Variants in SIRT6 observed in about 807,000 individuals in gnomAD.
SIRT6 encodes sirtuin 6.
SIRT6 carries 21 observed loss-of-function variants against 33.6 expected under a neutral mutation model. The ratio of observed to expected loss-of-function variants is 0.62; its 90% confidence interval spans 0.44 to 0.90. The LOEUF (loss-of-function observed/expected upper bound fraction) is 0.90. Ranked by LOEUF, SIRT6 falls within the 40% of genes least tolerant of loss-of-function variation. SIRT6 has a pLI of 0.00. For synonymous variants in SIRT6, 221 were observed against 223.9 expected (o/e 0.99, Z 0.12); for missense variants, 504 against 510.6 (o/e 0.99, Z 0.12).
chr19:4,177,914 C>T (rs990258151), intron 3 of SIRT6, among the ~76,000 whole-genome samples: 18 of 151,638 alleles, frequency 1.2e-4, no homozygotes, highest in African/African-American at 3.4e-4. Flanking sequence ...TTAGTAGAGA[C>T]GGGGTTTTAC....
Position 4,175,661 on chromosome 19 carries a change from T to TG in SIRT6, c.614+18dup. 1 of 1,496,084 alleles carries TG rather than the reference T, an allele frequency of 6.7e-7. No individual in the cohort carries two copies. Among genetic ancestry groups the TG allele is most frequent in the Non-Finnish European group, 8.9e-7 (1 of 1,121,766 alleles). The allele number at this position is 1,496,084 out of a possible 1,614,324, so 92.7% of individuals were successfully genotyped here. A position where few individuals can be genotyped will look rare whatever the true frequency, so the allele number is the denominator to read the frequency against. ...CCGCCCCGCCCCACCATGGGCTCCC[T>TG]GGGGGTGGGGGGTCAGACCTGCTGG... On this transcript the variant is annotated intron_variant, in intron 6 of 7. Transcript: ENST00000337491.
At chr19:4,177,634 C>T (rs1346040382) in intron 3 of SIRT6, among the ~76,000 whole-genome samples, 1 of 152,120 alleles carries the variant, frequency 6.6e-6, no homozygotes, top group East Asian at 1.9e-4. Flanking sequence ...AATCTCAGCT[C>T]ACCACAACCT....
Position 4,175,844 on chromosome 19 carries a change from G to T in SIRT6, c.531C>A (p.Cys177Ter). Reference sequence around the variant, plus strand: ...GGGCATGGGTGGGGGTGGCTCACCTGCAGGCTCGCAGCCCCCTTGCCTTAG... The same window carrying T: ...GGGCATGGGTGGGGGTGGCTCACCTTCAGGCTCGCAGCCCCCTTGCCTTAG... ...TVAKARGLRA[C>*]RGELRDTILD... is the part of the protein sequence containing the mutation. The change falls in exon 5 of 8, where the codon TGC becomes TGA. Residue 177 changes from cysteine (C) to a stop codon, truncating the protein, a stop_gained and splice_region_variant. Coordinates refer to ENST00000337491, the MANE Select transcript of SIRT6 (RefSeq NM_016539.4). LOFTEE classifies it high-confidence loss of function. 1 of 1,557,780 alleles carries T rather than the reference G, an allele frequency of 6.4e-7. No homozygotes were observed. The highest frequency in any genetic ancestry group is 1.2e-5 in the South Asian group (1 of 84,570).
intron 3 of SIRT6, 55 bp downstream of exon 3, chr19:4,179,049 A>G: frequency 6.3e-7 from 1 of 1,590,376 alleles, no homozygotes. Flanking sequence ...CTAAAAATGC[A>G]AACACGGTTT....
At position 4,174,529 on chromosome 19, in the gene SIRT6, G is replaced by T. The variant is rs1967160398; in HGVS notation, c.*88C>A. The T allele has an allele frequency of 8.0e-7, 1 of 1,247,246 alleles. No homozygotes were observed. The highest frequency in any genetic ancestry group is 1.1e-6 in the Non-Finnish European group (1 of 944,082). The allele number at this position is 1,247,246 out of a possible 1,614,324, so 77.3% of individuals were successfully genotyped here. ...AGCTCTCAGAGCCCTGAGGCTCCCG[G>T]GGACAGAAACAAGTAACAAAGTGAG... On this transcript the variant is annotated 3_prime_UTR_variant, in exon 8 of 8. Transcript: ENST00000337491. The surrounding 1 kb of genome is among the most constrained non-coding windows in gnomAD (Gnocchi z 4.2).
At chr19:4,179,646 G>A (rs573093537) in intron 2 of SIRT6, 38 of 260,410 alleles carry the variant, frequency 1.5e-4, no homozygotes, top group Non-Finnish European at 2.2e-4. Context: ...GCCCGACGAT[G>A]CTCACATGGG....
At chr19:4,179,768 C>A (rs892393541) in intron 2 of SIRT6, among the ~76,000 whole-genome samples, 2 of 152,178 alleles carry the variant, frequency 1.3e-5, no homozygotes, top group Non-Finnish European at 2.9e-5. Flanking sequence ...CCTGGGGAAG[C>A]CCCGTGGAGG....
chr19:4,179,004 G>C (rs755541750), intron 3 of SIRT6, 100 bp downstream of exon 3: 4 of 1,440,912 alleles, frequency 2.8e-6, no homozygotes, highest in Non-Finnish European at 3.8e-6. Flanking sequence ...CTCAGGGCTA[G>C]AATCTTATAG....
chr19:4,177,915 G>A (rs1244815064), intron 3 of SIRT6, among the ~76,000 whole-genome samples: 5 of 151,942 alleles, frequency 3.3e-5, no homozygotes, highest in South Asian at 2.1e-4. Context: ...TAGTAGAGAC[G>A]GGGTTTTACC....
Position 4,180,899 on chromosome 19 carries a change from G to T in SIRT6, c.77C>A (p.Pro26His). 1 of 1,611,870 alleles carries T rather than the reference G, an allele frequency of 6.2e-7. No individual in the cohort carries two copies. The highest frequency in any genetic ancestry group is 1.1e-5 in the South Asian group (1 of 90,826). Residue 26 changes from proline (P) to histidine (H), a missense_variant, in exon 2 of 8, where the codon CCC becomes CAC. By Grantham distance (77) the Pro-to-His change is moderately conservative (BLOSUM62 -2). Transcript: ENST00000337491. ...GKCGLPEIFD[P>H]PEELERKVWE... ...CACCTTCCGCTCCAGCTCCTCCGGGGGGTCGAAGATCTGTGGGGGGAGAGA... is the reference window on the plus strand; with the variant it reads ...CACCTTCCGCTCCAGCTCCTCCGGGTGGTCGAAGATCTGTGGGGGGAGAGA...
chr19:4,174,524 T>A lies in SIRT6; in HGVS notation c.*93A>T. 8.3e-7 allele frequency: 1 copy of A among 1,198,204 alleles called. No homozygotes were observed. The highest frequency in any genetic ancestry group is 2.0e-5 in the South Asian group (1 of 51,192). 74.2% of individuals were successfully genotyped at this position (1,198,204 alleles called of 1,614,324 possible). ...AGCACAGCTCTCAGAGCCCTGAGGC[T>A]CCCGGGGACAGAAACAAGTAACAAA... On this transcript the variant is annotated 3_prime_UTR_variant, in exon 8 of 8. Coordinates refer to ENST00000337491, the MANE Select transcript of SIRT6 (RefSeq NM_016539.4). The surrounding 1 kb of genome is among the most constrained non-coding windows in gnomAD (Gnocchi z 4.2).
chr19:4,174,634 TG>T lies in SIRT6; in HGVS notation c.1050del (p.Lys351ArgfsTer17). The T allele has an allele frequency of 6.9e-7, 1 of 1,445,886 alleles. No homozygotes were observed. Among genetic ancestry groups the T allele is most frequent in the Non-Finnish European group, 9.1e-7 (1 of 1,096,434 alleles). The allele number at this position is 1,445,886 out of a possible 1,614,324, so 89.6% of individuals were successfully genotyped here. On this transcript the variant is annotated frameshift_variant, in exon 8 of 8. Coordinates refer to ENST00000337491, the MANE Select transcript of SIRT6 (RefSeq NM_016539.4). LOFTEE classifies it high-confidence loss of function. The surrounding 1 kb of genome is among the most constrained non-coding windows in gnomAD (Gnocchi z 4.2). The part of the protein sequence containing the change: ...APHRPPKRVK[A>X]KAVPS ...CACCCTGGTCAGCTGGGGACCGCCT[TG>T]GCCTTCACCCTTTTGGGGGGTCTGT... is the stretch of plus-strand genomic sequence containing the variant.
intron 6 of SIRT6, 44 bp downstream of exon 6, chr19:4,175,636 C>T (rs1258264623): frequency 6.9e-7 from 1 of 1,444,862 alleles, no homozygotes; most frequent in Non-Finnish European, 9.1e-7. Context: ...TGCTGTCGTC[C>T]CGCCCCGCCC....
In SIRT6 at chr19:4,174,785, C is replaced by G; in HGVS notation, c.900G>C (p.Lys300Asn). 3.9e-6 allele frequency: 5 copies of G among 1,273,188 alleles called. No individual in the cohort carries two copies. Among genetic ancestry groups the G allele is most frequent in the Non-Finnish European group, 4.0e-6 (4 of 989,588 alleles). 78.9% of individuals were successfully genotyped at this position (1,273,188 alleles called of 1,614,324 possible). A position where few individuals can be genotyped will look rare whatever the true frequency, so the allele number is the denominator to read the frequency against. Reference sequence around the variant, plus strand: ...CGTTGATCCGGGTGGGAGATTCCTCCTTGGGCTCCAGCTTGGGGGTGGGCG... The same window carrying G: ...CGTTGATCCGGGTGGGAGATTCCTCGTTGGGCTCCAGCTTGGGGGTGGGCG... ...PRPPTPKLEP[K>N]EESPTRINGS... The change falls in exon 8 of 8, where the codon AAG (lysine) becomes AAC (asparagine). Residue 300 changes from lysine (K) to asparagine (N), a missense_variant. By Grantham distance (94) the Lys-to-Asn change is moderately conservative. Coordinates refer to ENST00000337491, the MANE Select transcript of SIRT6 (RefSeq NM_016539.4). This position sits in a 1 kb window ranked among gnomAD's most constrained non-coding sequence, Gnocchi z 4.2.
At chr19:4,176,993 C>T (rs1568296223) in intron 4 of SIRT6, 86 bp downstream of exon 4, 2 of 1,210,764 alleles carry the variant, frequency 1.7e-6, no homozygotes, top group African/African-American at 1.5e-5. Context: ...CCAGTCCCCC[C>T]ATACCCTCTG....
chr19:4,177,766 A>G (rs1412351858), intron 3 of SIRT6, among the ~76,000 whole-genome samples: 1 of 150,366 alleles, frequency 6.7e-6, no homozygotes. Flanking sequence ...AATTTTTTGT[A>G]TTTTTAGTAG....
At chr19:4,179,796 G>A (rs954835875) in intron 2 of SIRT6, among the ~76,000 whole-genome samples, 6 of 152,190 alleles carry the variant, frequency 3.9e-5, no homozygotes, top group East Asian at 1.9e-4. Context: ...CCTGGGGCAC[G>A]TGGAAGGGCT....
At position 4,174,700 on chromosome 19, in the gene SIRT6, C is replaced by T. The variant is rs200236361; in HGVS notation, c.985G>A (p.Ala329Thr). The change falls in exon 8 of 8, where the codon GCC (alanine) becomes ACC (threonine). Residue 329 changes from alanine (A) to threonine (T), a missense_variant. Coordinates refer to ENST00000337491, the MANE Select transcript of SIRT6 (RefSeq NM_016539.4). This position sits in a 1 kb window ranked among gnomAD's most constrained non-coding sequence, Gnocchi z 4.2. ...GTGGGCCGCTCCCGTTTGGGGCTGG[C>T]GGGCTCTGAGCCGTTGTGCTGGGCG... is the stretch of plus-strand genomic sequence containing the variant. ...PCAQHNGSEP[A>T]SPKRERPTSP... is the part of the protein sequence containing the mutation. 53 of 1,463,324 alleles carry T rather than the reference C, an allele frequency of 3.6e-5. No homozygotes were observed. Among genetic ancestry groups the T allele is most frequent in the Middle Eastern group, 3.8e-4 (2 of 5,276 alleles). The allele number at this position is 1,463,324 out of a possible 1,614,324, so 90.6% of individuals were successfully genotyped here.
At chr19:4,180,989 T>C in intron 1 of SIRT6, 80 bp from the exon 2 acceptor site, 1 of 1,500,820 alleles carries the variant, frequency 6.7e-7, no homozygotes, top group African/African-American at 1.4e-5. Flanking sequence ...CAGACTGAGC[T>C]GTCCCTGTCT....
Sources: allele counts gnomAD v4.1 joint callset (sites outside exome capture counted in the v4.1 genomes callset), GRCh38; gene constraint gnomAD v4.1.1; non-coding constraint Gnocchi (gnomAD v3.1); transcripts MANE v1.5; gene names NCBI Gene and HGNC (gene_info 2026-07-23, HGNC 2026-07-21).